Variants in KLRF2 observed in about 807,000 individuals in gnomAD.
KLRF2 encodes killer cell lectin-like receptor subfamily F member 2.
Under a neutral mutation model 25.3 loss-of-function variants are expected in KLRF2, and 28 were observed. That is an observed-to-expected ratio of 1.11 (90% CI 0.82 to 1.52). The LOEUF (loss-of-function observed/expected upper bound fraction) is 1.52, where lower values mean the gene tolerates loss of function less well. KLRF2 is among the 40% of genes most tolerant of loss of function. KLRF2 has a pLI of 0.00. For missense variants in KLRF2, 265 were observed against 245.8 expected (o/e 1.08, Z -0.52); for synonymous variants, 73 against 85.0 (o/e 0.86, Z 0.78).
chr12:9,884,340 C>A (rs527263335), intron 1 of KLRF2, among the ~76,000 whole-genome samples: 58 of 151,892 alleles, frequency 3.8e-4, no homozygotes, highest in African/African-American at 1.4e-3. Context: ...GAAACTGACT[C>A]CTGTCTAAAG....
At chr12:9,892,447 T>G in intron 3 of KLRF2, among the ~76,000 whole-genome samples, 1 of 152,184 alleles carries the variant, frequency 6.6e-6, no homozygotes, top group Non-Finnish European at 1.5e-5. Flanking sequence ...CTGTCAAAAA[T>G]GTTATAATTT....
chr12:9,894,143 TC>T (rs1862725484), intron 5 of KLRF2, among the ~76,000 whole-genome samples: 1 of 150,192 alleles, frequency 6.7e-6, no homozygotes, highest in African/African-American at 2.5e-5. Context: ...TCTCTCTCTC[TC>T]TCTCTCTCTC....
intron 5 of KLRF2, among the ~76,000 whole-genome samples, chr12:9,894,636 A>G (rs980011131): frequency 6.6e-6 from 1 of 152,174 alleles, no homozygotes; most frequent in African/African-American, 2.4e-5. Context: ...TACTAGTCAT[A>G]CTACCAAAAC....
At chr12:9,881,797 T>A in intron 1 of KLRF2, 132 bp downstream of exon 1, 2 of 684,776 alleles carry the variant, frequency 2.9e-6, no homozygotes, top group Non-Finnish European at 4.8e-6. Flanking sequence ...AAATTGTCTG[T>A]TAGATTATTT....
Position 9,893,533 on chromosome 12 carries a change from T to A in KLRF2, c.471T>A (p.Val157=). ...LWMWIDEHFL[V]PELFSVIGPT... ...TGTGGATAGATGAACACTTTTTAGT[T>A]CCAGAATTGTGAGTAGTTATTTGTA... Residue 157 remains valine (V), a synonymous_variant, in exon 5 of 6, where the codon GTT becomes GTA. Coordinates refer to ENST00000535540, the MANE Select transcript of KLRF2 (RefSeq NM_001190765.1). 7.0e-7 allele frequency: 1 copy of A among 1,430,396 alleles called. No individual in the cohort carries two copies. Among genetic ancestry groups the A allele is most frequent in the Non-Finnish European group, 9.5e-7 (1 of 1,056,658 alleles). 88.6% of individuals were successfully genotyped at this position (1,430,396 alleles called of 1,614,324 possible). A position where few individuals can be genotyped will look rare whatever the true frequency, so the allele number is the denominator to read the frequency against.
chr12:9,888,238 C>T (rs1189048510), intron 2 of KLRF2, among the ~76,000 whole-genome samples: 1 of 151,890 alleles, frequency 6.6e-6, no homozygotes, highest in Non-Finnish European at 1.5e-5. Flanking sequence ...CACCTGTAAT[C>T]TCAGCACTTT....
At position 9,893,629 on chromosome 12, in the gene KLRF2, C is replaced by A. The variant is rs1591779820; in HGVS notation, c.479+88C>A. 31 of 492,918 alleles carry A rather than the reference C, an allele frequency of 6.3e-5. No individual in the cohort carries two copies. In the East Asian group the frequency reaches 1.0e-3, roughly 16 times the overall value. 30.5% of individuals were successfully genotyped at this position (492,918 alleles called of 1,614,324 possible). ...CTTCACTTTCCATTCTTTTTTCCTT[C>A]TTTCTCTGTTTTCCCTTATCTTTAC... On this transcript the variant is annotated intron_variant, in intron 5 of 5. Coordinates refer to ENST00000535540, the MANE Select transcript of KLRF2 (RefSeq NM_001190765.1).
chr12:9,883,634 G>A (rs751967911), intron 1 of KLRF2, among the ~76,000 whole-genome samples: 2 of 152,156 alleles, frequency 1.3e-5, no homozygotes, highest in Non-Finnish European at 2.9e-5. Context: ...GTATTTTGAC[G>A]ATTTTCAATT....
At chr12:9,885,338 T>C (rs1027057147) in intron 2 of KLRF2, among the ~76,000 whole-genome samples, 1 of 150,744 alleles carries the variant, frequency 6.6e-6, no homozygotes, top group African/African-American at 2.4e-5. Context: ...TTTAAGTATA[T>C]ATATATATAT....
Position 9,894,973 on chromosome 12 carries a change from A to C in KLRF2, c.480-716A>C, listed in dbSNP as rs1031605735. Among the ~76,000 whole-genome samples the C allele has an allele frequency of 9.2e-5, 14 of 152,198 alleles. No individual in the cohort carries two copies. The South Asian group carries it at 2.9e-3, about 32-fold the overall frequency. ...CAACACACATGCAGGTGGTTATAACAGTGTTCAGTCTGTATTTTCTTAAAT... is the reference window on the plus strand; with the variant it reads ...CAACACACATGCAGGTGGTTATAACCGTGTTCAGTCTGTATTTTCTTAAAT... On this transcript the variant is annotated intron_variant, in intron 5 of 5. Coordinates refer to ENST00000535540, the MANE Select transcript of KLRF2 (RefSeq NM_001190765.1).
chr12:9,889,785 G>A (rs1471909961), intron 3 of KLRF2, among the ~76,000 whole-genome samples: 9 of 151,936 alleles, frequency 5.9e-5, no homozygotes, highest in Admixed American at 5.9e-4. Flanking sequence ...CAGTGGATAA[G>A]AACATAGGCT....
intron 1 of KLRF2, among the ~76,000 whole-genome samples, chr12:9,883,895 G>A (rs569532333): frequency 3.5e-4 from 54 of 152,242 alleles, no homozygotes; most frequent in African/African-American, 1.3e-3. Flanking sequence ...TGACTTAGAA[G>A]ACAAATTATT....
rs754992487 is a variant in KLRF2, at chr12:9,888,814, T to C, written c.217+34T>C. 5.2e-6 allele frequency: 7 copies of C among 1,341,096 alleles called. No individual in the cohort carries two copies. In the African/African-American group the frequency reaches 1.0e-4, roughly 19 times the overall value. 83.1% of individuals were successfully genotyped at this position (1,341,096 alleles called of 1,614,324 possible). On this transcript the variant is annotated intron_variant, in intron 3 of 5. Coordinates refer to ENST00000535540, the MANE Select transcript of KLRF2 (RefSeq NM_001190765.1). ...CTTTTTGTTTGTTATGTGCTACTCT[T>C]AGGGGTAAATTTAGTTTTGGCTTCC...
At chr12:9,888,376 T>C (rs1395754700) in intron 2 of KLRF2, among the ~76,000 whole-genome samples, 1 of 151,468 alleles carries the variant, frequency 6.6e-6, no homozygotes, top group East Asian at 1.9e-4. Context: ...TGTAGTCCCA[T>C]ATGCTCGGGA....
intron 3 of KLRF2, among the ~76,000 whole-genome samples, chr12:9,890,202 T>C (rs1488358594): frequency 6.6e-6 from 1 of 152,208 alleles, no homozygotes; most frequent in African/African-American, 2.4e-5. Flanking sequence ...ACAATCACAA[T>C]CTCACTATAA....
intron 5 of KLRF2, 62 bp from the exon 6 acceptor site, chr12:9,895,627 C>T (rs1316048494): frequency 7.0e-7 from 1 of 1,433,016 alleles, no homozygotes; most frequent in South Asian, 1.4e-5. Context: ...CTGGAGAAAA[C>T]TTTAAAAGAT....
At chr12:9,894,126 T>TTTTC (rs1862724795) in intron 5 of KLRF2, among the ~76,000 whole-genome samples, 2 of 130,200 alleles carry the variant, frequency 1.5e-5, no homozygotes, top group Non-Finnish European at 1.6e-5. Context: ...TTTCTTTTCT[T>TTTTC]TCTCTCTCTC....
chr12:9,888,345 C>A, intron 2 of KLRF2, among the ~76,000 whole-genome samples: 1 of 151,682 alleles, frequency 6.6e-6, no homozygotes, highest in Non-Finnish European at 1.5e-5. Flanking sequence ...AAAAAATTAG[C>A]TGGGCATGGT....
intron 5 of KLRF2, 43 bp from the exon 6 acceptor site, chr12:9,895,646 C>G: frequency 1.4e-6 from 2 of 1,473,458 alleles, no homozygotes; most frequent in South Asian, 1.3e-5. Flanking sequence ...ATACTATTAT[C>G]ATTTTAAGAT....
Sources: gnomAD v4.1 joint callset for allele counts (sites outside exome capture counted in the v4.1 genomes callset) on GRCh38, gnomAD v4.1.1 for gene constraint, MANE v1.5 for transcripts, NCBI Gene and HGNC (gene_info 2026-07-23, HGNC 2026-07-21) for gene names.